NCOA2: variants seen among roughly 807,000 people sequenced by gnomAD.
The protein encoded by NCOA2 is class E basic helix-loop-helix protein 75.
Under a neutral mutation model 145.1 loss-of-function variants are expected in NCOA2, and 21 were observed. The observed-to-expected ratio is 0.14, with a 90% CI of 0.10 to 0.21. The LOEUF is 0.21. Ranked by LOEUF, NCOA2 falls within the 10% of genes least tolerant of loss-of-function variation. The pLI, the probability that NCOA2 is intolerant of heterozygous loss-of-function variation, is 1.00. For missense variants in NCOA2, 1,472 were observed against 1,837.6 expected (o/e 0.80, Z 3.64); for synonymous variants, 619 against 637.5 (o/e 0.97, Z 0.44).
At chr8:70,217,255 A>C (rs1446474808) in intron 2 of NCOA2, among the ~76,000 whole-genome samples, 2 of 152,180 alleles carry the variant, frequency 1.3e-5, no homozygotes, top group African/African-American at 4.8e-5. Context: ...AAGGTTTTCA[A>C]ATTTAACTAG....
At position 70,355,160 on chromosome 8, in the gene NCOA2, T is replaced by C. The variant is rs537412876; in HGVS notation, c.-77+48540A>G. Among the ~76,000 whole-genome samples, 62 of 152,354 alleles carry C rather than the reference T, an allele frequency of 4.1e-4. 1 individual carries two copies. The highest frequency in any genetic ancestry group is 1.4e-3 in the African/African-American group (59 of 41,592). On this transcript the variant is annotated intron_variant, in intron 1 of 22. Transcript: ENST00000452400. ...TATCTCTATTACTATGTTGACCATA[T>C]GTGTGGCACATGGCCAGATCAGCCA...
chr8:70,259,638 C>G (rs1029780887), intron 2 of NCOA2, among the ~76,000 whole-genome samples: 4 of 152,108 alleles, frequency 2.6e-5, no homozygotes, highest in Middle Eastern at 6.8e-3. Context: ...CAATTATGTA[C>G]GTAAAACTTT....
At chr8:70,297,122 CAAAAAGCTGAG>C (rs1827149742) in intron 1 of NCOA2, among the ~76,000 whole-genome samples, 1 of 152,122 alleles carries the variant, frequency 6.6e-6, no homozygotes, top group Non-Finnish European at 1.5e-5. Context: ...CCCTATGAGA[CAAAAAGCTGAG>C]TAAAAGCAGG....
intron 1 of NCOA2, among the ~76,000 whole-genome samples, chr8:70,319,071 C>T (rs984312921): frequency 2.0e-5 from 3 of 152,166 alleles, no homozygotes; most frequent in Non-Finnish European, 2.9e-5. Flanking sequence ...TTAACATTCA[C>T]GCCTTTCCAA....
At chr8:70,293,917 C>T (rs1343539885) in intron 2 of NCOA2, among the ~76,000 whole-genome samples, 1 of 152,060 alleles carries the variant, frequency 6.6e-6, no homozygotes, top group Non-Finnish European at 1.5e-5. Context: ...ATACTCAAAT[C>T]TGGAATTTGC....
At chr8:70,319,367 C>A (rs1200157509) in intron 1 of NCOA2, among the ~76,000 whole-genome samples, 2 of 151,660 alleles carry the variant, frequency 1.3e-5, no homozygotes, top group Non-Finnish European at 2.9e-5. Flanking sequence ...CATAGTGAAA[C>A]CCTGACTCTA....
At chr8:70,231,005 A>G (rs929993782) in intron 2 of NCOA2, among the ~76,000 whole-genome samples, 8 of 152,348 alleles carry the variant, frequency 5.3e-5, no homozygotes, top group Admixed American at 1.3e-4. Context: ...TTTTGTGACT[A>G]TAAGTAACAC....
chr8:70,419,033 G>A, the NCOA2 span, among the ~76,000 whole-genome samples: 3 of 151,542 alleles, frequency 2.0e-5, no homozygotes, highest in South Asian at 6.2e-4. Context: ...GCCAAGCTGA[G>A]AAGATTTGGA....
intron 2 of NCOA2, among the ~76,000 whole-genome samples, chr8:70,224,292 TAAAAC>T (rs1386089277): frequency 1.3e-5 from 2 of 152,248 alleles, no homozygotes; most frequent in African/African-American, 4.8e-5. Flanking sequence ...CAGTTTCACT[TAAAAC>T]AGTAAAAGCC....
chr8:70,120,210 T>C (rs905808473), intron 22 of NCOA2, among the ~76,000 whole-genome samples: 11 of 152,118 alleles, frequency 7.2e-5, no homozygotes, highest in African/African-American at 2.4e-4. Flanking sequence ...ACTTAACAGG[T>C]TGTATGGGAT....
chr8:70,269,404 TAAGGACC>T (rs1445563085), intron 2 of NCOA2, among the ~76,000 whole-genome samples: 1 of 151,906 alleles, frequency 6.6e-6, no homozygotes, highest in Non-Finnish European at 1.5e-5. Flanking sequence ...AAATCTGGGA[TAAGGACC>T]AGGAGTTCAA....
the NCOA2 span, among the ~76,000 whole-genome samples, chr8:70,429,849 G>A: frequency 6.6e-6 from 1 of 152,128 alleles, no homozygotes; most frequent in African/African-American, 2.4e-5. Flanking sequence ...CTTTGCTTTT[G>A]TTTTTGTGTG....
At chr8:70,221,967 C>G (rs1820174308) in intron 2 of NCOA2, among the ~76,000 whole-genome samples, 1 of 152,072 alleles carries the variant, frequency 6.6e-6, no homozygotes, top group South Asian at 2.1e-4. Context: ...TGTCATTACT[C>G]TTTTTTACTA....
At chr8:70,167,734 A>G (rs151247947) in intron 6 of NCOA2, among the ~76,000 whole-genome samples, 144 of 152,350 alleles carry the variant, frequency 9.5e-4, no homozygotes, top group African/African-American at 3.1e-3. Flanking sequence ...AAAAAAGTAT[A>G]TATTTAAGAA....
At chr8:70,262,453 A>G (rs1441562473) in intron 2 of NCOA2, among the ~76,000 whole-genome samples, 1 of 152,220 alleles carries the variant, frequency 6.6e-6, no homozygotes, top group Non-Finnish European at 1.5e-5. Context: ...AGAGGAGAGA[A>G]GATGGGAAAG....
At position 70,326,233 on chromosome 8, in the gene NCOA2, T is replaced by C. The variant is rs117598501; in HGVS notation, c.-76-29433A>G. Among the ~76,000 whole-genome samples, 328 of 152,302 alleles carry C rather than the reference T, an allele frequency of 2.2e-3. 1 individual carries two copies. The highest frequency in any genetic ancestry group is 4.0e-3 in the Non-Finnish European group (269 of 68,018). The stretch of plus-strand genomic sequence containing the variant: ...GTATGAAGTATACATCCTCTTACCC[T>C]TTATAATTAAGTCACCATCACATAA... On this transcript the variant is annotated intron_variant, in intron 1 of 22. Transcript: ENST00000452400.
chr8:70,422,618 C>T, the NCOA2 span, among the ~76,000 whole-genome samples: 1 of 151,976 alleles, frequency 6.6e-6, no homozygotes, highest in Non-Finnish European at 1.5e-5. Context: ...ACTATGTTGC[C>T]TAGGATGATC....
At chr8:70,270,959 T>C (rs529590364) in intron 2 of NCOA2, among the ~76,000 whole-genome samples, 1 of 152,350 alleles carries the variant, frequency 6.6e-6, no homozygotes, top group African/African-American at 2.4e-5. Flanking sequence ...AAAAAGATGA[T>C]GAATTATATG....
chr8:70,444,670 A>C, the NCOA2 span, among the ~76,000 whole-genome samples: 2 of 152,248 alleles, frequency 1.3e-5, no homozygotes, highest in Non-Finnish European at 2.9e-5. Context: ...CAACTGTATG[A>C]AAATCTATAA....
Sources: gnomAD v4.1 joint callset for allele counts (sites outside exome capture counted in the v4.1 genomes callset) on GRCh38, gnomAD v4.1.1 for gene constraint, MANE v1.5 for transcripts, NCBI Gene and HGNC (gene_info 2026-07-23, HGNC 2026-07-21) for gene names.